SPATA13: variants seen among roughly 807,000 people sequenced by gnomAD.
The protein encoded by SPATA13 is spermatogenesis associated 13, also known as spermatogenesis-associated protein 13.
A neutral mutation model predicts 104.0 loss-of-function variants in SPATA13; 50 were observed. The ratio of observed to expected loss-of-function variants is 0.48; its 90% confidence interval spans 0.38 to 0.61. The LOEUF is 0.61. Ranked by LOEUF, SPATA13 falls within the 20% of genes least tolerant of loss-of-function variation. The pLI is 0.00. For missense variants in SPATA13, 1,524 were observed against 1,690.6 expected, an observed-to-expected ratio of 0.90 and a Z score of 1.73; for synonymous variants, 606 against 667.5, an observed-to-expected ratio of 0.91 and a Z score of 1.42.
At chr13:24,147,315 C>T (rs1027991383) in intron 3 of SPATA13, among the ~76,000 whole-genome samples, 2 of 152,144 alleles carry the variant, frequency 1.3e-5, no homozygotes, top group African/African-American at 4.8e-5. Context: ...TGAGTGTAGT[C>T]TGCTTTGCTA....
At chr13:24,135,316 G>C (rs1017060965) in intron 3 of SPATA13, among the ~76,000 whole-genome samples, 9 of 152,176 alleles carry the variant, frequency 5.9e-5, no homozygotes, top group African/African-American at 2.2e-4. Flanking sequence ...ATTTTTGATA[G>C]AAGTTTGAAA....
intron 3 of SPATA13, chr13:24,251,353 C>A: frequency 1.7e-6 from 1 of 599,978 alleles, no homozygotes; most frequent in Non-Finnish European, 2.1e-6. Flanking sequence ...CAGAGGCCAC[C>A]CCTGGGAAAG....
rs1046059398 is a variant in SPATA13 at position 24,237,007 on chromosome 13, C to A, written c.1653+12425C>A. ...AACAACCCAAGTGTCTGTTGATGGA[C>A]AAATGGATAAAAAGTATAGTGTGTA... On this transcript the variant is annotated intron_variant, in intron 2 of 12. Coordinates refer to ENST00000382108, the MANE Select transcript of SPATA13 (RefSeq NM_001166271.3). 1.8e-4 allele frequency among the ~76,000 whole-genome samples: 28 copies of A among 152,228 alleles called. 1 individual carries two copies. In the South Asian group the frequency reaches 5.6e-3, roughly 30 times the overall value.
At chr13:24,264,394 A>G (rs896376257) in intron 4 of SPATA13, among the ~76,000 whole-genome samples, 2 of 152,140 alleles carry the variant, frequency 1.3e-5, no homozygotes, top group African/African-American at 4.8e-5. Context: ...CTGATCTTAC[A>G]GACAAGGTCA....
chr13:24,251,965 G>T (rs1420037429), intron 4 of SPATA13, 103 bp downstream of exon 4: 2 of 1,423,790 alleles, frequency 1.4e-6, no homozygotes, highest in Non-Finnish European at 1.9e-6. Context: ...CCTCCCTTGG[G>T]CCAGGGCGCG....
rs760056469 is a variant in SPATA13 at position 24,028,761 on chromosome 13, T to C, written c.-112+11060T>C. ...CTTTTACTCACATCTTTCTGTCACTTTCTTTACTCAACTGTGTGTAATCTG... is the reference window on the plus strand; with the variant it reads ...CTTTTACTCACATCTTTCTGTCACTCTCTTTACTCAACTGTGTGTAATCTG... On this transcript the variant is annotated intron_variant, in intron 3 of 14. Coordinates refer to the SPATA13 transcript ENST00000424834. 2.4e-3 allele frequency among the ~76,000 whole-genome samples: 358 copies of C among 152,338 alleles called. 3 individuals carry two copies. The highest frequency in any genetic ancestry group is 3.0e-3 in the Non-Finnish European group (201 of 68,042).
At chr13:24,109,798 G>A (rs9553180) in intron 3 of SPATA13, among the ~76,000 whole-genome samples, 101,513 of 151,662 alleles carry the variant, frequency 0.67, 34,351 homozygotes, top group East Asian at 0.8. Context: ...ATTTTACTCT[G>A]GTAAATACAT....
At chr13:23,980,028 C>T (rs761589087) in intron 1 of SPATA13, 1 of 152,206 alleles carries the variant, frequency 6.6e-6, no homozygotes, top group Non-Finnish European at 1.5e-5. Flanking sequence ...ACATTTTTTT[C>T]CTGAAGTGGG....
In SPATA13 at chr13:24,011,993, C is replaced by A. The variant is rs1044933029; in HGVS notation, c.-146-5674C>A. ...ACAGGCACAGGGACCGGGGCTTGCCCACCACCCTAAACAAAACTTGCTGAT... is the reference window on the plus strand; with the variant it reads ...ACAGGCACAGGGACCGGGGCTTGCCAACCACCCTAAACAAAACTTGCTGAT... On this transcript the variant is annotated intron_variant, in intron 2 of 14. Transcript: ENST00000424834. This position sits in a 1 kb window ranked among gnomAD's most constrained non-coding sequence, Gnocchi z 4.3. Among the ~76,000 whole-genome samples, 12 of 152,224 alleles carry A rather than the reference C, an allele frequency of 7.9e-5. No individual in the cohort carries two copies. In the East Asian group the frequency reaches 1.7e-3, roughly 22 times the overall value.
chr13:24,116,793 G>A (rs1041724513), intron 3 of SPATA13, among the ~76,000 whole-genome samples: 1 of 148,536 alleles, frequency 6.7e-6, no homozygotes, highest in Non-Finnish European at 1.5e-5. Flanking sequence ...ATGTGCTGAT[G>A]TTTGGAGAAA....
chr13:24,208,839 T>C (rs905033430), intron 1 of SPATA13, among the ~76,000 whole-genome samples: 1 of 152,236 alleles, frequency 6.6e-6, no homozygotes, highest in Non-Finnish European at 1.5e-5. Flanking sequence ...CTTGGTTTAA[T>C]TTGAAGTCAA....
At chr13:24,149,074 A>AGGT (rs1264765179) in intron 3 of SPATA13, among the ~76,000 whole-genome samples, 6 of 152,156 alleles carry the variant, frequency 3.9e-5, no homozygotes, top group Non-Finnish European at 8.8e-5. Context: ...GTGACTAAGG[A>AGGT]GGTAGTGGGC....
chr13:24,208,309 G>A (rs117997129), intron 1 of SPATA13, among the ~76,000 whole-genome samples: 1 of 152,338 alleles, frequency 6.6e-6, no homozygotes, highest in East Asian at 1.9e-4. Flanking sequence ...ATAATAACCT[G>A]TGTTCCATAT....
chr13:24,169,663 G>A (rs575984083), intron 1 of SPATA13, among the ~76,000 whole-genome samples: 70 of 152,308 alleles, frequency 4.6e-4, no homozygotes, highest in African/African-American at 1.6e-3. Flanking sequence ...GCTTCTCAGC[G>A]GGAACTCAAT....
Position 24,284,716 on chromosome 13 carries a change from T to C in SPATA13, c.2301+445T>C, listed in dbSNP as rs570222518. ...TTCTCTGACCTCGTCCAGGAAAATA[T>C]ATGGGATTAAGCTTTCTGGGTAGAG... On this transcript the variant is annotated intron_variant, in intron 5 of 12. Transcript: ENST00000382108. 3.9e-5 allele frequency among the ~76,000 whole-genome samples: 6 copies of C among 152,238 alleles called. No individual in the cohort carries two copies. The South Asian group carries it at 1.2e-3, about 32-fold the overall frequency.
At chr13:24,000,218 G>A (rs1339193994) in intron 2 of SPATA13, among the ~76,000 whole-genome samples, 1 of 152,210 alleles carries the variant, frequency 6.6e-6, no homozygotes, top group African/African-American at 2.4e-5. Context: ...AACAACAGAG[G>A]GCTTGACCTG....
intron 11 of SPATA13, among the ~76,000 whole-genome samples, chr13:24,299,268 A>C (rs1437550142): frequency 6.6e-6 from 1 of 152,176 alleles, no homozygotes; most frequent in Non-Finnish European, 1.5e-5. Flanking sequence ...GAAGGAAAGG[A>C]GGGGCCCGAT....
chr13:24,240,533 G>A (rs1031202001), intron 2 of SPATA13, among the ~76,000 whole-genome samples: 2 of 152,154 alleles, frequency 1.3e-5, no homozygotes. Context: ...CACGGGCTGG[G>A]ATGGAGTTTG....
chr13:24,037,520 G>C (rs1455159023), intron 3 of SPATA13, among the ~76,000 whole-genome samples: 1 of 149,924 alleles, frequency 6.7e-6, no homozygotes, highest in African/African-American at 2.5e-5. Flanking sequence ...CGATTCTCCT[G>C]CCTCAGCCTC....
Sources: gnomAD v4.1 joint callset for allele counts (sites outside exome capture counted in the v4.1 genomes callset) on GRCh38, gnomAD v4.1.1 for gene constraint, Gnocchi (gnomAD v3.1) non-coding constraint, MANE v1.5 for transcripts, NCBI Gene and HGNC (gene_info 2026-07-23, HGNC 2026-07-21) for gene names.